CEP290: variants seen among roughly 807,000 people sequenced by gnomAD.
CEP290 encodes the protein centrosomal protein of 290 kDa.
Under a neutral mutation model 344.9 loss-of-function variants are expected in CEP290, and 317 were observed. That is an observed-to-expected ratio of 0.92 (90% CI 0.84 to 1.01). The LOEUF (loss-of-function observed/expected upper bound fraction) is 1.01. CEP290 is among the 50% of genes least tolerant of loss of function. The pLI is 0.00. For synonymous variants in CEP290, 932 were observed against 895.8 expected (o/e 1.04, Z -0.72); for missense variants, 2,754 against 2,761.4 (o/e 1.00, Z 0.06).
intron 35 of CEP290, 141 bp downstream of exon 35, chr12:88,084,444 AT>A: frequency 1.3e-6 from 1 of 772,314 alleles, no homozygotes; most frequent in Non-Finnish European, 2.1e-6. Context: ...CAGAGGTGTA[AT>A]CCAATCACAT....
At chr12:88,089,511 T>C (rs1367318783) in intron 30 of CEP290, 24 bp from the exon 31 acceptor site, 3 of 1,378,616 alleles carry the variant, frequency 2.2e-6, no homozygotes, top group Non-Finnish European at 2.8e-6. Flanking sequence ...AAATATATAT[T>C]TGTAGTAAGT....
intron 45 of CEP290, 22 bp downstream of exon 45, chr12:88,063,959 T>A: frequency 1.3e-6 from 2 of 1,571,678 alleles, no homozygotes; most frequent in Non-Finnish European, 1.7e-6. Context: ...TTAGATTTCC[T>A]AATAAAAAAC....
chr12:88,071,962 G>A (rs2035411982), intron 41 of CEP290, 36 bp from the exon 42 acceptor site: 2 of 1,502,636 alleles, frequency 1.3e-6, no homozygotes, highest in Admixed American at 2.5e-5. Flanking sequence ...AAAATTACCA[G>A]TGTTATTTTA....
In CEP290 at chr12:88,097,598, CACACACACACAT is replaced by C. The variant is rs1377731034; in HGVS notation, c.2992-611_2992-600del. On this transcript the variant is annotated intron_variant, in intron 26 of 53. Coordinates refer to ENST00000552810, the MANE Select transcript of CEP290 (RefSeq NM_025114.4). ...ACACATACATACATATATATATACA[CACACACACACAT>C]ACACACACACACACACACACACACA... Among the ~76,000 whole-genome samples, 8 of 109,722 alleles carry C rather than the reference CACACACACACAT, an allele frequency of 7.3e-5. No homozygotes were observed. In the East Asian group the frequency reaches 2.0e-3, roughly 28 times the overall value. 72.0% of individuals were successfully genotyped at this position (109,722 alleles called of 152,430 possible).
chr12:88,114,140 G>T (rs73412698), intron 20 of CEP290, among the ~76,000 whole-genome samples: 1 of 151,838 alleles, frequency 6.6e-6, no homozygotes, highest in African/African-American at 2.4e-5. Flanking sequence ...CTCCAAAGTC[G>T]GTGTAAAAAA....
At chr12:88,132,885 AC>A (rs1158332653) in intron 6 of CEP290, among the ~76,000 whole-genome samples, 1 of 151,812 alleles carries the variant, frequency 6.6e-6, no homozygotes, top group Non-Finnish European at 1.5e-5. Flanking sequence ...ATGTTCTCCC[AC>A]CCCGACCCCT....
chr12:88,049,337 A>ATACT lies in CEP290; in HGVS notation c.7283_7286dup (p.Tyr2429Ter), dbSNP rs773642187. 17 of 1,583,484 alleles carry ATACT rather than the reference A, an allele frequency of 1.1e-5. No homozygotes were observed. Among genetic ancestry groups the ATACT allele is most frequent in the Middle Eastern group, 1.9e-4 (1 of 5,374 alleles). On this transcript the variant is annotated stop_gained and frameshift_variant, in exon 54 of 54. Transcript: ENST00000552810. LOFTEE classifies it high-confidence loss of function. ...TCTTCTTCACTTCTTCCTTGTAATT[A>ATACT]TACTTAAGATCTTCAATTTCTTCAA...
At chr12:88,068,438 G>T in intron 44 of CEP290, 84 bp downstream of exon 44, 1 of 924,804 alleles carries the variant, frequency 1.1e-6, no homozygotes, top group Non-Finnish European at 1.5e-6. Context: ...TAATGCTTTT[G>T]GCCAGATTAA....
intron 26 of CEP290, among the ~76,000 whole-genome samples, chr12:88,101,698 A>G (rs962329752): frequency 2.0e-5 from 3 of 151,276 alleles, no homozygotes; most frequent in Non-Finnish European, 4.4e-5. Context: ...GATGAAAAAT[A>G]CTCTTTGGGA....
chr12:88,139,150 G>T lies in CEP290; in HGVS notation c.292C>A (p.Leu98Met). The change falls in exon 5 of 54, where the codon CTG (leucine) becomes ATG (methionine). Residue 98 changes from leucine to methionine, a missense_variant. Leu to Met is a conservative substitution (Grantham distance 15). Transcript: ENST00000552810. ...KTKVMKLENE[L>M]EMAQQSAGGR... ...GGGAATACAAAAAGACATACCTCCA[G>T]TTCATTTTCCAGTTTCATTACTTTA... is the stretch of plus-strand genomic sequence containing the variant. The T allele has an allele frequency of 2.6e-6, 3 of 1,174,282 alleles. No individual in the cohort carries two copies. The highest frequency in any genetic ancestry group is 2.4e-6 in the Non-Finnish European group (2 of 850,774). The allele number at this position is 1,174,282 out of a possible 1,614,324, so 72.7% of individuals were successfully genotyped here.
At chr12:88,126,504 TAAATAATA>T in intron 11 of CEP290, 66 bp from the exon 12 acceptor site, 1 of 1,134,122 alleles carries the variant, frequency 8.8e-7, no homozygotes, top group Non-Finnish European at 1.2e-6. Context: ...TTCATTATCA[TAAATAATA>T]AACACCGTTA....
chr12:88,084,236 C>T (rs2036406314), intron 35 of CEP290, among the ~76,000 whole-genome samples: 1 of 152,086 alleles, frequency 6.6e-6, no homozygotes, highest in South Asian at 2.1e-4. Flanking sequence ...GTTAGCTTTC[C>T]CCCACGAAGT....
In CEP290 at chr12:88,084,688, T is replaced by G; in HGVS notation, c.4602A>C (p.Thr1534=). The G allele has an allele frequency of 6.2e-7, 1 of 1,613,818 alleles. No individual in the cohort carries two copies. Residue 1534 remains threonine (T), a synonymous_variant, in exon 35 of 54, where the codon ACA becomes ACC. Transcript: ENST00000552810. ...RKEMEPKSHH[T]LKIAHQTIAN... ...CAATGGTTTGATGAGCAATTTTCAA[T>G]GTGTGGTGAGATTTTGGTTCCATCT...
intron 20 of CEP290, 143 bp downstream of exon 20, chr12:88,114,277 A>C: frequency 1.7e-6 from 1 of 603,418 alleles, no homozygotes; most frequent in Non-Finnish European, 2.6e-6. Flanking sequence ...AAAGCAGCTC[A>C]AGAAAAACTA....
At chr12:88,080,002 A>G (rs1027157986) in intron 38 of CEP290, among the ~76,000 whole-genome samples, 180 bp downstream of exon 38, 3 of 152,216 alleles carry the variant, frequency 2.0e-5, no homozygotes, top group Non-Finnish European at 4.4e-5. Context: ...ATTGGACTAT[A>G]TCTGCCCACA....
rs1452777964 is a variant in CEP290, at chr12:88,131,145, C to CT, written c.495+19_495+20insA. On this transcript the variant is annotated intron_variant, in intron 7 of 53. Coordinates refer to ENST00000552810, the MANE Select transcript of CEP290 (RefSeq NM_025114.4). Reference sequence around the variant, plus strand: ...AATAAGTACCTTTGTTGAACCACCACAACTACTAAAATTTTTTACCTCTCT... The same window carrying CT: ...AATAAGTACCTTTGTTGAACCACCACTAACTACTAAAATTTTTTACCTCTCT... The CT allele has an allele frequency of 6.7e-7, 1 of 1,493,410 alleles. No homozygotes were observed. Among genetic ancestry groups the CT allele is most frequent in the Non-Finnish European group, 8.9e-7 (1 of 1,126,784 alleles). The allele number at this position is 1,493,410 out of a possible 1,614,324, so 92.5% of individuals were successfully genotyped here.
At chr12:88,052,644 C>G (rs1429980227) in intron 52 of CEP290, among the ~76,000 whole-genome samples, 4 of 151,400 alleles carry the variant, frequency 2.6e-5, no homozygotes, top group African/African-American at 9.8e-5. Flanking sequence ...TATACATACA[C>G]GCATATATAT....
Position 88,136,775 on chromosome 12 carries a change from C to T in CEP290, c.309G>A (p.Gln103=), listed in dbSNP as rs1340786440. The T allele has an allele frequency of 1.2e-6, 2 of 1,613,464 alleles. No individual in the cohort carries two copies. Among genetic ancestry groups the T allele is most frequent in the South Asian group, 1.1e-5 (1 of 91,072 alleles). Residue 103 remains glutamine, a synonymous_variant, in exon 6 of 54, where the codon CAG becomes CAA. Transcript: ENST00000552810. ...KLENELEMAQ[Q]SAGGRDTRFL... is the part of the protein sequence containing the mutation. Reference sequence around the variant, plus strand: ...ACCGAGTATCTCGTCCACCTGCAGACTGCTGAGCCATCTTAAAGTAATAAA... The same window carrying T: ...ACCGAGTATCTCGTCCACCTGCAGATTGCTGAGCCATCTTAAAGTAATAAA...
intron 6 of CEP290, among the ~76,000 whole-genome samples, chr12:88,133,391 A>T (rs976520476): frequency 1.3e-5 from 2 of 151,966 alleles, no homozygotes; most frequent in East Asian, 3.9e-4. Context: ...TTGACCTCTC[A>T]TTCTCTTTTG....
Sources: gnomAD v4.1 joint callset for allele counts (sites outside exome capture counted in the v4.1 genomes callset) on GRCh38, gnomAD v4.1.1 for gene constraint, MANE v1.5 for transcripts, NCBI Gene and HGNC (gene_info 2026-07-23, HGNC 2026-07-21) for gene names.